Variants in METTL4 observed in about 807,000 individuals in gnomAD.
METTL4 encodes the protein N(6)-adenine-specific methyltransferase METTL4.
METTL4 carries 40 observed loss-of-function variants against 54.0 expected under a neutral mutation model. The ratio of observed to expected loss-of-function variants is 0.74; its 90% CI spans 0.58 to 0.96. METTL4 has a LOEUF of 0.96. METTL4 is among the 50% of genes least tolerant of loss of function. The probability of loss-of-function intolerance (pLI) is 0.00; values close to 1 mark genes in which losing one functional copy is unlikely to be tolerated. For synonymous variants in METTL4, 169 were observed against 183.8 expected, an observed-to-expected ratio of 0.92 and a Z score of 0.65; for missense variants, 525 against 549.0, an observed-to-expected ratio of 0.96 and a Z score of 0.44.
intron 8 of METTL4, chr18:2,540,093 T>C: frequency 1.0e-6 from 1 of 978,626 alleles, no homozygotes; most frequent in Non-Finnish European, 1.2e-6. Flanking sequence ...ATTCAATGTA[T>C]TAATAACTAC....
chr18:2,562,943 A>T, intron 3 of METTL4, among the ~76,000 whole-genome samples: 1 of 134,902 alleles, frequency 7.4e-6, no homozygotes, highest in East Asian at 3.0e-4. Flanking sequence ...CTACTACAAC[A>T]AGAAAGAAAG....
At chr18:2,570,850 A>G (rs1327499985) in intron 1 of METTL4, among the ~76,000 whole-genome samples, 1 of 152,220 alleles carries the variant, frequency 6.6e-6, no homozygotes, top group Non-Finnish European at 1.5e-5. Context: ...CTCTCCAGGT[A>G]CCGGGCAGTG....
intron 3 of METTL4, 191 bp from the exon 4 acceptor site, chr18:2,555,229 A>C: frequency 1.7e-6 from 1 of 594,718 alleles, no homozygotes; most frequent in Non-Finnish European, 2.9e-6. Context: ...AGAGTGAAAC[A>C]ACCCTCACAA....
At chr18:2,546,064 T>C (rs2072065199) in intron 6 of METTL4, among the ~76,000 whole-genome samples, 1 of 152,136 alleles carries the variant, frequency 6.6e-6, no homozygotes, top group Non-Finnish European at 1.5e-5. Context: ...CAGGGTAGTA[T>C]ACTCCTATCA....
intron 8 of METTL4, chr18:2,540,855 A>G (rs1055833916): frequency 1.0e-6 from 1 of 985,340 alleles, no homozygotes; most frequent in African/African-American, 1.7e-5. Flanking sequence ...CGAAGATGTT[A>G]GCAACCCTAT....
chr18:2,564,186 G>A (rs911735730), intron 2 of METTL4, among the ~76,000 whole-genome samples: 16 of 151,628 alleles, frequency 1.1e-4, no homozygotes, highest in African/African-American at 7.3e-5. Context: ...GGAGGATCAC[G>A]AGGTCAGAAG....
At position 2,546,009 on chromosome 18, in the gene METTL4, C is replaced by T. The variant is rs78377625; in HGVS notation, c.1075-1250G>A. 0.011 allele frequency among the ~76,000 whole-genome samples: 1,597 copies of T among 152,072 alleles called. 77 individuals are homozygous for T. The East Asian group carries it at 0.14, about 13-fold the overall frequency. On this transcript the variant is annotated intron_variant, in intron 6 of 8. Coordinates refer to ENST00000574538, the MANE Select transcript of METTL4 (RefSeq NM_022840.5). ...AGGTGACCTCCTCCTGACTTTGGTC[C>T]CAGTTTCTGACTATAAAAGAACTAT... is the stretch of plus-strand genomic sequence containing the variant.
chr18:2,555,836 G>A (rs2143542574), intron 3 of METTL4, among the ~76,000 whole-genome samples: 1 of 148,676 alleles, frequency 6.7e-6, no homozygotes, highest in East Asian at 2.0e-4. Context: ...TGGATGGTTG[G>A]TATGTTTAAA....
At chr18:2,544,149 T>C (rs1567955634) in intron 8 of METTL4, 46 bp downstream of exon 8, 1 of 1,471,830 alleles carries the variant, frequency 6.8e-7, no homozygotes, top group Non-Finnish European at 9.4e-7. Flanking sequence ...ACACTTTTTT[T>C]CAAATTTGAC....
intron 8 of METTL4, chr18:2,540,971 T>C (rs756538127): frequency 3.8e-4 from 358 of 950,120 alleles, no homozygotes; most frequent in Non-Finnish European, 4.5e-4. Context: ...AATATCCATG[T>C]TTTATGAGAG....
At chr18:2,565,027 C>T (rs1281057888) in intron 2 of METTL4, among the ~76,000 whole-genome samples, 1 of 152,140 alleles carries the variant, frequency 6.6e-6, no homozygotes, top group Non-Finnish European at 1.5e-5. Flanking sequence ...GTGGCTCACA[C>T]CTGTAATCTC....
At chr18:2,547,305 T>C (rs974350881) in intron 6 of METTL4, 50 bp downstream of exon 6, 1 of 1,433,378 alleles carries the variant, frequency 7.0e-7, no homozygotes, top group African/African-American at 1.4e-5. Context: ...GCTACCTTTA[T>C]GTGACTTCTA....
intron 5 of METTL4, among the ~76,000 whole-genome samples, chr18:2,551,854 G>C (rs1421201310): frequency 6.6e-6 from 1 of 152,106 alleles, no homozygotes; most frequent in Non-Finnish European, 1.5e-5. Flanking sequence ...TTTTCATCTA[G>C]AAAACTGAAA....
chr18:2,547,296 C>T (rs1363948026), intron 6 of METTL4, 59 bp downstream of exon 6: 1 of 1,383,888 alleles, frequency 7.2e-7, no homozygotes, highest in Admixed American at 2.5e-5. Context: ...AAAGTAGATG[C>T]TACCTTTATG....
In METTL4 at chr18:2,567,042, A is replaced by G. The variant is rs145830021; in HGVS notation, c.175T>C (p.Cys59Arg). 2.8e-3 allele frequency: 4,466 copies of G among 1,614,074 alleles called. 15 individuals are homozygous for G. Among genetic ancestry groups the G allele is most frequent in the Non-Finnish European group, 3.5e-3 (4,185 of 1,180,022 alleles). The change falls in exon 2 of 9, where the codon TGT (cysteine) becomes CGT (arginine). Residue 59 changes from cysteine to arginine, a missense_variant. Transcript: ENST00000574538. ...QMDSVSSSGV[C>R]AAFIASDSST... is the part of the protein sequence containing the mutation. ...GAGTCAGAAGCAATAAATGCAGCAC[A>G]GACTCCAGAGGAGGACACAGAATCC...
chr18:2,537,625 C>G lies in METTL4; in HGVS notation c.*1375G>C. On this transcript the variant is annotated 3_prime_UTR_variant, in exon 9 of 9. Coordinates refer to ENST00000574538, the MANE Select transcript of METTL4 (RefSeq NM_022840.5). ...ACAAAATTAAGCCTCTGATACTATA[C>G]TCACACACTCAAAGGATGAACAAAC... The G allele has an allele frequency of 2.8e-6, 1 of 352,576 alleles. No individual in the cohort carries two copies. Among genetic ancestry groups the G allele is most frequent in the Non-Finnish European group, 5.0e-6 (1 of 198,028 alleles). The allele number at this position is 352,576 out of a possible 1,614,324, so 21.8% of individuals were successfully genotyped here. A position where few individuals can be genotyped will look rare whatever the true frequency, so the allele number is the denominator to read the frequency against.
Position 2,538,903 on chromosome 18 carries a change from G to C in METTL4, c.*97C>G, listed in dbSNP as rs151201731. On this transcript the variant is annotated 3_prime_UTR_variant, in exon 9 of 9. Coordinates refer to ENST00000574538, the MANE Select transcript of METTL4 (RefSeq NM_022840.5). ...AAAACAAGTCCTGTTTATATTCTAAGAATATGGGTTGGTAACAAAATAAAA... is the reference window on the plus strand; with the variant it reads ...AAAACAAGTCCTGTTTATATTCTAACAATATGGGTTGGTAACAAAATAAAA... 4 of 1,352,594 alleles carry C rather than the reference G, an allele frequency of 3.0e-6. No homozygotes were observed. Among genetic ancestry groups the C allele is most frequent in the African/African-American group, 1.5e-5 (1 of 68,422 alleles). 83.8% of individuals were successfully genotyped at this position (1,352,594 alleles called of 1,614,324 possible). A position where few individuals can be genotyped will look rare whatever the true frequency, so the allele number is the denominator to read the frequency against.
chr18:2,544,235 G>A lies in METTL4; in HGVS notation c.1233C>T (p.Ser411=), dbSNP rs933367303. 5.0e-6 allele frequency: 8 copies of A among 1,613,224 alleles called. No individual in the cohort carries two copies. Among genetic ancestry groups the A allele is most frequent in the African/African-American group, 4.0e-5 (3 of 74,852 alleles). Residue 411 remains serine (S), a synonymous_variant, in exon 8 of 9, where the codon AGC becomes AGT. Transcript: ENST00000574538. ...LPIPDHKLIV[S]VPCTLHSHKP... is the part of the protein sequence containing the mutation. ...TATGTGAGTGAAGAGTACAGGGCACGCTGACAATTAATTTGTGGTCTGGAA... is the reference window on the plus strand; with the variant it reads ...TATGTGAGTGAAGAGTACAGGGCACACTGACAATTAATTTGTGGTCTGGAA...
intron 5 of METTL4, 103 bp from the exon 6 acceptor site, chr18:2,547,632 T>G: frequency 2.3e-4 from 173 of 757,294 alleles, no homozygotes; most frequent in Non-Finnish European, 3.0e-4. Flanking sequence ...TGCAAAGCTC[T>G]TACTGCTATT....
Sources: allele counts gnomAD v4.1 joint callset (sites outside exome capture counted in the v4.1 genomes callset), GRCh38; gene constraint gnomAD v4.1.1; transcripts MANE v1.5; gene names NCBI Gene and HGNC (gene_info 2026-07-23, HGNC 2026-07-21).